The following GRAP2 variants were observed in gnomAD, a reference collection of about 807,000 sequenced individuals.
GRAP2 encodes GRB2-related adapter protein 2.
Under a neutral mutation model 43.5 loss-of-function variants are expected in GRAP2, and 31 were observed. That is an observed-to-expected ratio of 0.71 (90% CI 0.54 to 0.96). GRAP2 has a LOEUF of 0.96. Among genes scored for constraint, GRAP2 ranks in the 40% least tolerant of loss-of-function variants. GRAP2 has a pLI of 0.00. For synonymous variants in GRAP2, 156 were observed against 164.8 expected (o/e 0.95, Z 0.41); for missense variants, 371 against 424.4 (o/e 0.87, Z 1.11).
In GRAP2 at chr22:39,971,097, A is replaced by G; in HGVS notation, c.*13A>G. 6.3e-7 allele frequency: 1 copy of G among 1,596,852 alleles called. No individual in the cohort carries two copies. The highest frequency in any genetic ancestry group is 8.5e-7 in the Non-Finnish European group (1 of 1,172,596). On this transcript the variant is annotated 3_prime_UTR_variant, in exon 8 of 8. Transcript: ENST00000344138. ...CATGACCCGATAAACTCTTCAGGGG[A>G]CAGAAGCTTTTTGTCTGGAGCTGCC...
At chr22:39,915,830 C>T (rs1389352483) in intron 1 of GRAP2, among the ~76,000 whole-genome samples, 1 of 152,136 alleles carries the variant, frequency 6.6e-6, no homozygotes, top group Admixed American at 6.6e-5. Context: ...ATTCAAGGCT[C>T]AGTAGCATCA....
intron 1 of GRAP2, among the ~76,000 whole-genome samples, chr22:39,920,835 C>A (rs781073616): frequency 2.0e-5 from 3 of 147,890 alleles, no homozygotes; most frequent in Non-Finnish European, 3.0e-5. Flanking sequence ...CCCTGACAGC[C>A]AAAAAAAAAG....
chr22:39,933,310 G>A (rs1481309079), intron 1 of GRAP2, among the ~76,000 whole-genome samples: 2 of 152,248 alleles, frequency 1.3e-5, no homozygotes, highest in African/African-American at 4.8e-5. Flanking sequence ...TTTGATGGGA[G>A]AAGGAAGACC....
intron 4 of GRAP2, among the ~76,000 whole-genome samples, chr22:39,965,099 C>G (rs765460503): frequency 6.6e-6 from 1 of 152,182 alleles, no homozygotes; most frequent in African/African-American, 2.4e-5. Context: ...AATTAAAACT[C>G]TATCATTTCA....
At chr22:39,898,359 G>T (rs2066473616), upstream of GRAP2, among the ~76,000 whole-genome samples, 1 of 152,152 alleles carries the variant, frequency 6.6e-6, no homozygotes, top group East Asian at 1.9e-4. Context: ...ATTATGTTTT[G>T]TTCACTGATA....
At chr22:39,928,246 GA>G (rs1291022340) in intron 1 of GRAP2, among the ~76,000 whole-genome samples, 1 of 152,144 alleles carries the variant, frequency 6.6e-6, no homozygotes, top group Non-Finnish European at 1.5e-5. Context: ...ATCTCCAAGG[GA>G]GAAAGAAATT....
chr22:39,900,355 T>C (rs1056580613), upstream of GRAP2, among the ~76,000 whole-genome samples: 2 of 152,202 alleles, frequency 1.3e-5, no homozygotes, highest in Non-Finnish European at 2.9e-5. Flanking sequence ...CTCTGAATGG[T>C]GCCACTTAGC....
chr22:39,953,209 A>C (rs1195236771), intron 2 of GRAP2, among the ~76,000 whole-genome samples: 4 of 152,190 alleles, frequency 2.6e-5, no homozygotes, highest in Non-Finnish European at 5.9e-5. Flanking sequence ...TCCTGGGTCC[A>C]GACTGACATA....
At chr22:39,925,135 G>A (rs2066686431) in intron 1 of GRAP2, among the ~76,000 whole-genome samples, 1 of 152,128 alleles carries the variant, frequency 6.6e-6, no homozygotes, top group Non-Finnish European at 1.5e-5. Flanking sequence ...CTACAAGCAA[G>A]GTGGAATTAT....
At chr22:39,970,697 G>A (rs963076094) in intron 7 of GRAP2, among the ~76,000 whole-genome samples, 3 of 152,142 alleles carry the variant, frequency 2.0e-5, no homozygotes, top group Non-Finnish European at 4.4e-5. Flanking sequence ...AAGGCAGGAG[G>A]ACTTCTTGAG....
At chr22:39,912,963 C>T (rs1034703437) in intron 1 of GRAP2, among the ~76,000 whole-genome samples, 8 of 151,820 alleles carry the variant, frequency 5.3e-5, no homozygotes, top group South Asian at 2.1e-4. Flanking sequence ...GTGTCCGAGG[C>T]GGGTGGATCA....
chr22:39,900,743 AT>A (rs1238545522), upstream of GRAP2, among the ~76,000 whole-genome samples: 7 of 152,142 alleles, frequency 4.6e-5, no homozygotes, highest in African/African-American at 1.2e-4. Flanking sequence ...CTTTCCTGGG[AT>A]TTTAACATTG....
At chr22:39,939,229 T>C (rs2066839014) in intron 1 of GRAP2, among the ~76,000 whole-genome samples, 1 of 152,170 alleles carries the variant, frequency 6.6e-6, no homozygotes, top group Non-Finnish European at 1.5e-5. Flanking sequence ...CAGGTCCTCT[T>C]GAGAAGGCTG....
At chr22:39,913,348 G>C (rs2066580863) in intron 1 of GRAP2, among the ~76,000 whole-genome samples, 1 of 152,140 alleles carries the variant, frequency 6.6e-6, no homozygotes, top group Non-Finnish European at 1.5e-5. Context: ...AATCGTGTTA[G>C]ACATGGAAAA....
intron 1 of GRAP2, among the ~76,000 whole-genome samples, chr22:39,923,410 T>G (rs980077821): frequency 5.3e-5 from 8 of 152,226 alleles, no homozygotes; most frequent in Admixed American, 3.9e-4. Context: ...GGAGGTTTCA[T>G]TTTTCATTTT....
chr22:39,926,484 GAAAAA>G (rs918651851), intron 1 of GRAP2: 4 of 241,816 alleles, frequency 1.7e-5, no homozygotes, highest in Admixed American at 2.1e-4. Context: ...CCCAACAAAA[GAAAAA>G]AAAAAAAAAA....
intron 5 of GRAP2, 84 bp downstream of exon 5, chr22:39,966,242 G>A (rs769826010): frequency 1.7e-5 from 17 of 1,028,504 alleles, no homozygotes; most frequent in Non-Finnish European, 2.5e-5. Flanking sequence ...AAATGCATAG[G>A]ATGGGTAGAT....
chr22:39,947,399 G>T lies in GRAP2; in HGVS notation c.78+215G>T, dbSNP rs368992009. 3 of 551,140 alleles carry T rather than the reference G, an allele frequency of 5.4e-6. No individual in the cohort carries two copies. The South Asian group carries it at 6.5e-5, about 12-fold the overall frequency. The allele number at this position is 551,140 out of a possible 1,614,324, so 34.1% of individuals were successfully genotyped here. A position where few individuals can be genotyped will look rare whatever the true frequency, so the allele number is the denominator to read the frequency against. Reference sequence around the variant, plus strand: ...CCACCATCCTTGTCCTGGGAGGTTCGTAGTCTGGAGAGGGGAACACATCCA... The same window carrying T: ...CCACCATCCTTGTCCTGGGAGGTTCTTAGTCTGGAGAGGGGAACACATCCA... On this transcript the variant is annotated intron_variant, in intron 2 of 7. Transcript: ENST00000344138.
At chr22:39,921,750 C>T (rs1388931423) in intron 1 of GRAP2, among the ~76,000 whole-genome samples, 1 of 152,014 alleles carries the variant, frequency 6.6e-6, no homozygotes, top group Non-Finnish European at 1.5e-5. Flanking sequence ...TCCTTATCAT[C>T]TGTGGTCCAT....
Sources: allele counts gnomAD v4.1 joint callset (sites outside exome capture counted in the v4.1 genomes callset), GRCh38; gene constraint gnomAD v4.1.1; transcripts MANE v1.5; gene names NCBI Gene and HGNC (gene_info 2026-07-23, HGNC 2026-07-21).